Variants in ROBO1 observed in about 807,000 individuals in gnomAD.
ROBO1 encodes the protein roundabout homolog 1.
In ROBO1, 149 loss-of-function variants were observed where a neutral mutation model predicts 195.9. The observed-to-expected ratio is 0.76, with a 90% CI of 0.67 to 0.87. ROBO1 has a LOEUF of 0.87. ROBO1 is among the 40% of genes least tolerant of loss of function. The probability of loss-of-function intolerance (pLI) is 0.00; values close to 1 mark genes in which losing one functional copy is unlikely to be tolerated. For missense variants in ROBO1, 1,933 were observed against 2,068.3 expected, an observed-to-expected ratio of 0.93 and a Z score of 1.27; for synonymous variants, 816 against 733.2, an observed-to-expected ratio of 1.11 and a Z score of -1.82.
rs756798186 is a variant in ROBO1, at chr3:78,917,099, G to GTTTTT, written c.499+21497_499+21501dup. 9.4e-5 allele frequency among the ~76,000 whole-genome samples: 12 copies of GTTTTT among 127,334 alleles called. 2 individuals carry two copies. Among genetic ancestry groups the GTTTTT allele is most frequent in the Non-Finnish European group, 1.5e-4 (9 of 61,266 alleles). The allele number at this position is 127,334 out of a possible 152,430, so 83.5% of individuals were successfully genotyped here. The stretch of plus-strand genomic sequence containing the variant: ...AGTCAGAGTTGTTTTTTTGTTTTTC[G>GTTTTT]TTTTTTTTTTTTTTTTGAGATGGAG... On this transcript the variant is annotated intron_variant, in intron 4 of 30. Coordinates refer to ENST00000464233, the MANE Select transcript of ROBO1 (RefSeq NM_002941.4).
intron 2 of ROBO1, among the ~76,000 whole-genome samples, chr3:79,138,735 A>C (rs1321266633): frequency 1.3e-5 from 2 of 151,946 alleles, no homozygotes; most frequent in Non-Finnish European, 2.9e-5. Context: ...ATGAATAAAC[A>C]AGGAAGGTTT....
chr3:79,502,114 C>T (rs369712725), intron 2 of ROBO1, among the ~76,000 whole-genome samples: 1 of 152,302 alleles, frequency 6.6e-6, no homozygotes, highest in East Asian at 1.9e-4. Flanking sequence ...GCAGCCCTCA[C>T]TCGTTATCCG....
chr3:78,614,050 T>C (rs1337393427), intron 28 of ROBO1, among the ~76,000 whole-genome samples: 3 of 152,332 alleles, frequency 2.0e-5, no homozygotes, highest in African/African-American at 7.2e-5. Context: ...CCTGAGGCAC[T>C]TTCATTAAAG....
intron 2 of ROBO1, among the ~76,000 whole-genome samples, chr3:79,563,613 G>T (rs1292732340): frequency 2.6e-5 from 4 of 152,014 alleles, no homozygotes; most frequent in Admixed American, 6.6e-5. Context: ...GAAATTATTT[G>T]TTTGTAGTTT....
At chr3:78,652,895 G>A (rs1706764513) in intron 18 of ROBO1, among the ~76,000 whole-genome samples, 1 of 151,960 alleles carries the variant, frequency 6.6e-6, no homozygotes, top group East Asian at 1.9e-4. Context: ...AGAACTGGAG[G>A]CTGTATCATC....
At chr3:79,756,418 G>A (rs879828318) in intron 1 of ROBO1, among the ~76,000 whole-genome samples, 7 of 151,862 alleles carry the variant, frequency 4.6e-5, no homozygotes, top group East Asian at 1.9e-4. Flanking sequence ...GTGTGGTGGC[G>A]CATGCCTGTA....
chr3:79,623,749 T>C (rs953638499), intron 1 of ROBO1, among the ~76,000 whole-genome samples: 1 of 151,860 alleles, frequency 6.6e-6, no homozygotes, highest in African/African-American at 2.4e-5. Context: ...ATGGGGAGAA[T>C]GGAAACAAGC....
intron 2 of ROBO1, among the ~76,000 whole-genome samples, chr3:79,535,756 G>A (rs1941833507): frequency 7.1e-6 from 1 of 140,468 alleles, no homozygotes; most frequent in African/African-American, 2.7e-5. Flanking sequence ...ATGTGACGAC[G>A]AGCTGTGGCA....
chr3:79,656,486 T>A lies in ROBO1; in HGVS notation c.-50-66525A>T, dbSNP rs76644276. Among the ~76,000 whole-genome samples the A allele has an allele frequency of 1.5e-3, 234 of 152,236 alleles. 4 individuals are homozygous for A. In the East Asian group the frequency reaches 0.041, roughly 27 times the overall value. Reference sequence around the variant, plus strand: ...TTCCTAAAATAATAGTATACTTTATTGAATGAGACATTTTATTTTATTTAT... The same window carrying A: ...TTCCTAAAATAATAGTATACTTTATAGAATGAGACATTTTATTTTATTTAT... On this transcript the variant is annotated intron_variant, in intron 1 of 30. Coordinates refer to ENST00000464233, the MANE Select transcript of ROBO1 (RefSeq NM_002941.4).
At chr3:78,673,848 A>C (rs556211952) in intron 10 of ROBO1, among the ~76,000 whole-genome samples, 1 of 151,836 alleles carries the variant, frequency 6.6e-6, no homozygotes, top group African/African-American at 2.4e-5. Flanking sequence ...CACATTATAC[A>C]CCAATAAACA....
At chr3:79,354,604 C>T (rs1389066330) in intron 2 of ROBO1, among the ~76,000 whole-genome samples, 1 of 152,120 alleles carries the variant, frequency 6.6e-6, no homozygotes. Flanking sequence ...AATAACAATT[C>T]AAGCACAGCA....
chr3:78,763,906 T>C (rs2083165587), intron 4 of ROBO1, among the ~76,000 whole-genome samples: 1 of 152,184 alleles, frequency 6.6e-6, no homozygotes, highest in African/African-American at 2.4e-5. Flanking sequence ...AACATTTTAA[T>C]TGCTTAAGGT....
At chr3:79,093,104 C>A (rs1221177932) in intron 3 of ROBO1, among the ~76,000 whole-genome samples, 1 of 152,104 alleles carries the variant, frequency 6.6e-6, no homozygotes, top group Admixed American at 6.6e-5. Context: ...AGACTGAGAA[C>A]TGAGTCCACT....
At chr3:79,051,100 A>T (rs1488645261) in intron 3 of ROBO1, among the ~76,000 whole-genome samples, 1 of 152,178 alleles carries the variant, frequency 6.6e-6, no homozygotes, top group East Asian at 1.9e-4. Context: ...AAACCCTTCA[A>T]AAAATCAATG....
chr3:78,602,884 C>T (rs1575758339), intron 29 of ROBO1, among the ~76,000 whole-genome samples: 1 of 152,286 alleles, frequency 6.6e-6, no homozygotes, highest in Non-Finnish European at 1.5e-5. Flanking sequence ...CATCACTAAT[C>T]ATTAAGATAC....
At chr3:79,308,827 C>T (rs2033345921) in intron 2 of ROBO1, among the ~76,000 whole-genome samples, 1 of 152,170 alleles carries the variant, frequency 6.6e-6, no homozygotes. Flanking sequence ...CTATTTCATG[C>T]TATCCTGCAT....
At chr3:79,010,587 A>G (rs1351486538) in intron 3 of ROBO1, among the ~76,000 whole-genome samples, 1 of 152,128 alleles carries the variant, frequency 6.6e-6, no homozygotes, top group African/African-American at 2.4e-5. Context: ...TCATCATTTA[A>G]TAAGTCACTT....
At chr3:79,147,823 A>G (rs2080684582) in intron 2 of ROBO1, among the ~76,000 whole-genome samples, 1 of 151,918 alleles carries the variant, frequency 6.6e-6, no homozygotes, top group South Asian at 2.1e-4. Flanking sequence ...TATTTATGCT[A>G]ATACATGTTG....
chr3:78,600,638 T>G (rs952720711), intron 29 of ROBO1, among the ~76,000 whole-genome samples: 1 of 152,198 alleles, frequency 6.6e-6, no homozygotes, highest in Admixed American at 6.5e-5. Context: ...TGTCATTCAC[T>G]ATATGATCTC....
Sources: allele counts gnomAD v4.1 joint callset (sites outside exome capture counted in the v4.1 genomes callset), GRCh38; gene constraint gnomAD v4.1.1; transcripts MANE v1.5; gene names NCBI Gene and HGNC (gene_info 2026-07-23, HGNC 2026-07-21).